The following APPL2 variants were observed in gnomAD, a reference collection of about 807,000 sequenced individuals.
APPL2 encodes the protein adaptor protein, phosphotyrosine interacting with PH domain and leucine zipper 2, also known as DCC-interacting protein 13-beta.
APPL2 carries 84 observed loss-of-function variants against 92.7 expected under a neutral mutation model. The ratio of observed to expected loss-of-function variants is 0.91; its 90% CI spans 0.76 to 1.09. APPL2 has a LOEUF of 1.09. Among genes scored for constraint, APPL2 ranks in the 50% least tolerant of loss-of-function variants. APPL2 has a pLI of 0.00. For synonymous variants in APPL2, 291 were observed against 291.0 expected (o/e 1.00, Z 0.00); for missense variants, 736 against 824.5 (o/e 0.89, Z 1.31).
At chr12:105,199,243 G>T in intron 10 of APPL2, 130 bp downstream of exon 10, 2 of 1,102,092 alleles carry the variant, frequency 1.8e-6, no homozygotes, top group Non-Finnish European at 2.6e-6. Flanking sequence ...GAGGGCTGCT[G>T]TGATGGGAGT....
intron 5 of APPL2, among the ~76,000 whole-genome samples, chr12:105,210,715 A>G (rs1247917146): frequency 1.3e-5 from 2 of 152,242 alleles, no homozygotes; most frequent in Non-Finnish European, 2.9e-5. Flanking sequence ...CCATAAGAGC[A>G]GTCCCCATCC....
chr12:105,191,020 T>TA (rs1354493066), intron 14 of APPL2, among the ~76,000 whole-genome samples: 1 of 152,274 alleles, frequency 6.6e-6, no homozygotes, highest in Non-Finnish European at 1.5e-5. Flanking sequence ...GCCTGGACCT[T>TA]AAAAAGCTCT....
At position 105,176,915 on chromosome 12, in the gene APPL2, C is replaced by CA. The variant is rs1555245565; in HGVS notation, c.1772dup (p.Ser592GlufsTer6). 1 of 1,614,080 alleles carries CA rather than the reference C, an allele frequency of 6.2e-7. No individual in the cohort carries two copies. Among genetic ancestry groups the CA allele is most frequent in the African/African-American group, 1.3e-5 (1 of 75,014 alleles). On this transcript the variant is annotated frameshift_variant, in exon 19 of 21. Transcript: ENST00000258530. LOFTEE classifies it high-confidence loss of function. ...AGTTGCTTTCAAAAATGTATGTACT[C>CA]AGAGATTCTTCTCCAGTGGATTCAG...
In APPL2 at chr12:105,235,928, G is replaced by A. The variant is rs948225358; in HGVS notation, c.54+31C>T. Reference sequence around the variant, plus strand: ...GGGGCCTCCTCGGCCTCACCCCTGCGGGCGAGGGGCACCGGAGCGGCGGGA... The same window carrying A: ...GGGGCCTCCTCGGCCTCACCCCTGCAGGCGAGGGGCACCGGAGCGGCGGGA... On this transcript the variant is annotated intron_variant, in intron 1 of 20. Coordinates refer to ENST00000258530, the MANE Select transcript of APPL2 (RefSeq NM_018171.5). 4.9e-6 allele frequency: 6 copies of A among 1,235,684 alleles called. No homozygotes were observed. In the African/African-American group the frequency reaches 9.4e-5, roughly 19 times the overall value. The allele number at this position is 1,235,684 out of a possible 1,614,324, so 76.5% of individuals were successfully genotyped here.
In APPL2 at chr12:105,211,257, T is replaced by C; in HGVS notation, c.346A>G (p.Ile116Val). ...QLADTMVLPI[I>V]QFREKDLTEV... is the part of the protein sequence containing the mutation. ...GTGAGATCCTTTTCTCGGAATTGTA[T>C]GATAGGTAGAACCATTGTGTCTGCC... The change falls in exon 5 of 21, where the codon ATA becomes GTA. Residue 116 changes from isoleucine to valine, a missense_variant. Coordinates refer to ENST00000258530, the MANE Select transcript of APPL2 (RefSeq NM_018171.5). The C allele has an allele frequency of 6.2e-7, 1 of 1,613,990 alleles. No individual in the cohort carries two copies. Among genetic ancestry groups the C allele is most frequent in the South Asian group, 1.1e-5 (1 of 91,074 alleles).
Position 105,203,010 on chromosome 12 carries a change from TACACACACACACACACAC to T in APPL2, c.704+675_704+692del, listed in dbSNP as rs3838812. 7.0e-3 allele frequency among the ~76,000 whole-genome samples: 1,022 copies of T among 146,084 alleles called. 16 individuals are homozygous for T. The highest frequency in any genetic ancestry group is 0.025 in the African/African-American group (954 of 38,022). On this transcript the variant is annotated intron_variant, in intron 9 of 20. Coordinates refer to ENST00000258530, the MANE Select transcript of APPL2 (RefSeq NM_018171.5). ...ATTTCCATTTTGTCTATTTGTCAACTACACACACACACACACACACACACACACACACACACACACACA... is the reference window on the plus strand; with the variant it reads ...ATTTCCATTTTGTCTATTTGTCAACTACACACACACACACACACACACACA...
intron 2 of APPL2, among the ~76,000 whole-genome samples, chr12:105,224,310 T>C (rs773574385): frequency 6.6e-6 from 1 of 152,160 alleles, no homozygotes; most frequent in Non-Finnish European, 1.5e-5. Context: ...TAAAAACTAA[T>C]GAAACCAAGA....
At chr12:105,192,098 T>C (rs56366988) in intron 14 of APPL2, among the ~76,000 whole-genome samples, 2 of 150,404 alleles carry the variant, frequency 1.3e-5, no homozygotes, top group African/African-American at 5.0e-5. Context: ...ACTCTTCTTT[T>C]TTTTAAAAAA....
At chr12:105,180,830 T>C (rs922982825) in intron 17 of APPL2, among the ~76,000 whole-genome samples, 1 of 152,238 alleles carries the variant, frequency 6.6e-6, no homozygotes, top group African/African-American at 2.4e-5. Flanking sequence ...GAGACTTTGC[T>C]GACGTTGCTT....
intron 2 of APPL2, among the ~76,000 whole-genome samples, chr12:105,218,214 T>C (rs1430365544): frequency 6.6e-6 from 1 of 152,252 alleles, no homozygotes; most frequent in Non-Finnish European, 1.5e-5. Context: ...TAAAATGTTT[T>C]GTTCAGACAT....
At chr12:105,176,189 C>G (rs566654043) in intron 19 of APPL2, 107 bp from the exon 20 acceptor site, 2 of 972,258 alleles carry the variant, frequency 2.1e-6, no homozygotes, top group Non-Finnish European at 3.1e-6. Context: ...ACTGTTCCCA[C>G]TTGGGAACAC....
rs371793583 is a variant in APPL2, at chr12:105,192,467, C to A, written c.1242-2312G>T. On this transcript the variant is annotated intron_variant, in intron 14 of 20. Transcript: ENST00000258530. Reference sequence around the variant, plus strand: ...CTTGATCGACCCCTGCCTCCCTCCCCACCCGCCCTCATCCTGTCCCATGAT... The same window carrying A: ...CTTGATCGACCCCTGCCTCCCTCCCAACCCGCCCTCATCCTGTCCCATGAT... Among the ~76,000 whole-genome samples the A allele has an allele frequency of 9.3e-4, 141 of 151,636 alleles. 1 individual carries two copies. In the South Asian group the frequency reaches 0.028, roughly 30 times the overall value.
At chr12:105,208,249 C>G in intron 5 of APPL2, 50 bp from the exon 6 acceptor site, 1 of 1,601,196 alleles carries the variant, frequency 6.2e-7, no homozygotes. Flanking sequence ...ATAAAACATG[C>G]CAACCCAGAG....
At chr12:105,181,961 T>G (rs1183529364) in intron 17 of APPL2, among the ~76,000 whole-genome samples, 2 of 152,222 alleles carry the variant, frequency 1.3e-5, no homozygotes, top group African/African-American at 4.8e-5. Context: ...CTCTATCTCC[T>G]TCAGTTCTGC....
At chr12:105,213,590 G>A (rs1460798767) in intron 4 of APPL2, among the ~76,000 whole-genome samples, 1 of 152,196 alleles carries the variant, frequency 6.6e-6, no homozygotes, top group East Asian at 1.9e-4. Context: ...ATCACCATGC[G>A]TGGAAATCTC....
intron 17 of APPL2, among the ~76,000 whole-genome samples, chr12:105,178,415 ATTCT>A (rs1458747229): frequency 6.6e-6 from 1 of 152,070 alleles, no homozygotes; most frequent in African/African-American, 2.4e-5. Context: ...GCTAATGGGT[ATTCT>A]TTCTGAGGTG....
intron 16 of APPL2, 145 bp from the exon 17 acceptor site, chr12:105,188,592 T>C (rs947804781): frequency 6.9e-6 from 5 of 721,192 alleles, no homozygotes; most frequent in African/African-American, 1.8e-5. Flanking sequence ...ATAAGCCCAA[T>C]ATTGCCAAAG....
intron 19 of APPL2, 114 bp from the exon 20 acceptor site, chr12:105,176,196 A>G (rs970447409): frequency 7.7e-6 from 7 of 912,864 alleles, no homozygotes; most frequent in Non-Finnish European, 1.2e-5. Flanking sequence ...CCACTTGGGA[A>G]CACAGGACCT....
intron 16 of APPL2, among the ~76,000 whole-genome samples, chr12:105,189,459 GAC>G (rs1219257268): frequency 7.2e-5 from 11 of 152,182 alleles, no homozygotes; most frequent in African/African-American, 2.4e-4. Context: ...TTTCTAAAAT[GAC>G]ACAGCGTATT....
Sources: gnomAD v4.1 joint callset for allele counts (sites outside exome capture counted in the v4.1 genomes callset) on GRCh38, gnomAD v4.1.1 for gene constraint, MANE v1.5 for transcripts, NCBI Gene and HGNC (gene_info 2026-07-23, HGNC 2026-07-21) for gene names.